The following NKAIN2 variants were observed in gnomAD, a reference collection of about 807,000 sequenced individuals.
NKAIN2 encodes sodium/potassium-transporting ATPase subunit beta-1-interacting protein 2.
NKAIN2 carries 14 observed loss-of-function variants against 32.6 expected under a neutral mutation model. That is an observed-to-expected ratio of 0.43 (90% CI 0.28 to 0.67). The LOEUF is 0.67. Among genes scored for constraint, NKAIN2 ranks in the 30% least tolerant of loss-of-function variants. NKAIN2 has a pLI of 0.17. For missense variants in NKAIN2, 198 were observed against 258.3 expected (o/e 0.77, Z 1.60); for synonymous variants, 80 against 87.2 (o/e 0.92, Z 0.46).
chr6:124,042,601 AATACAG>A (rs1781918834), intron 1 of NKAIN2, among the ~76,000 whole-genome samples: 1 of 152,062 alleles, frequency 6.6e-6, no homozygotes, highest in Non-Finnish European at 1.5e-5. Context: ...TTGTGGTGCA[AATACAG>A]ACCTTAAACT....
At chr6:124,772,730 G>A (rs759408068) in intron 4 of NKAIN2, among the ~76,000 whole-genome samples, 1 of 152,158 alleles carries the variant, frequency 6.6e-6, no homozygotes, top group Non-Finnish European at 1.5e-5. Context: ...AAAGGAAGAA[G>A]CAAAGAGGGC....
intron 2 of NKAIN2, among the ~76,000 whole-genome samples, chr6:124,296,102 A>G (rs187919200): frequency 1.3e-5 from 2 of 152,104 alleles, no homozygotes; most frequent in Admixed American, 6.6e-5. Context: ...TTCCTCCACA[A>G]TTGCATTCTC....
intron 3 of NKAIN2, among the ~76,000 whole-genome samples, chr6:124,415,803 A>G (rs1188003373): frequency 6.6e-6 from 1 of 150,626 alleles, no homozygotes; most frequent in African/African-American, 2.4e-5. Flanking sequence ...GGTCAAACCA[A>G]CTATGTATTT....
At chr6:124,806,005 A>G (rs1356959087) in intron 5 of NKAIN2, among the ~76,000 whole-genome samples, 8 of 152,206 alleles carry the variant, frequency 5.3e-5, no homozygotes, top group Non-Finnish European at 1.2e-4. Flanking sequence ...GACTAAATCT[A>G]CGTCTGATTG....
intron 3 of NKAIN2, among the ~76,000 whole-genome samples, chr6:124,512,220 C>T (rs532894772): frequency 6.6e-6 from 1 of 152,232 alleles, no homozygotes; most frequent in East Asian, 1.9e-4. Flanking sequence ...GTACATGTTG[C>T]AGCTACACAG....
At chr6:124,771,382 C>T (rs943423959) in intron 4 of NKAIN2, among the ~76,000 whole-genome samples, 1 of 152,058 alleles carries the variant, frequency 6.6e-6, no homozygotes, top group Non-Finnish European at 1.5e-5. Flanking sequence ...ATAATTGAAC[C>T]AACAGGTGTG....
At chr6:124,233,265 A>G (rs1792556492) in intron 1 of NKAIN2, among the ~76,000 whole-genome samples, 1 of 152,080 alleles carries the variant, frequency 6.6e-6, no homozygotes, top group East Asian at 1.9e-4. Context: ...TGTGAATTTT[A>G]CTTCTTGATA....
At chr6:124,735,309 C>G (rs1232432505) in intron 4 of NKAIN2, among the ~76,000 whole-genome samples, 1 of 151,688 alleles carries the variant, frequency 6.6e-6, no homozygotes, top group Non-Finnish European at 1.5e-5. Flanking sequence ...TTCTCTCTAC[C>G]CCAGTATTTT....
In NKAIN2 at chr6:124,442,361, GC is replaced by G. The variant is rs1020074358; in HGVS notation, c.273+87017del. Among the ~76,000 whole-genome samples the G allele has an allele frequency of 1.0e-4, 3 of 28,936 alleles. No homozygotes were observed. The African/African-American group carries it at 1.4e-3, about 13-fold the overall frequency. The allele number at this position is 28,936 out of a possible 152,430, so 19.0% of individuals were successfully genotyped here. On this transcript the variant is annotated intron_variant, in intron 3 of 6. Coordinates refer to ENST00000368417, the MANE Select transcript of NKAIN2 (RefSeq NM_001040214.3). ...TCAGCAGAGCTGTAAAGTCATCAATGCCCTTTTTTCTTTTTCTTATGTCCAT... is the reference window on the plus strand; with the variant it reads ...TCAGCAGAGCTGTAAAGTCATCAATGCCTTTTTTCTTTTTCTTATGTCCAT...
rs145438534 is a variant in NKAIN2, at chr6:124,760,007, G to A, written c.475-31332G>A. Among the ~76,000 whole-genome samples, 223 of 152,036 alleles carry A rather than the reference G, an allele frequency of 1.5e-3. 3 individuals carry two copies. The highest frequency in any genetic ancestry group is 5.2e-3 in the African/African-American group (214 of 41,468). On this transcript the variant is annotated intron_variant, in intron 4 of 6. Transcript: ENST00000368417. ...ATCCCAGGAGAAGTGAATGGAACAG[G>A]GAACACCTAGTTGACTGTGTAACAG...
intron 1 of NKAIN2, among the ~76,000 whole-genome samples, chr6:123,928,766 C>T (rs1776121303): frequency 6.6e-6 from 1 of 152,140 alleles, no homozygotes; most frequent in Non-Finnish European, 1.5e-5. Flanking sequence ...ATATATCAGA[C>T]ATAAATGCAT....
At chr6:124,785,478 A>AT (rs750412956) in intron 4 of NKAIN2, among the ~76,000 whole-genome samples, 4 of 152,196 alleles carry the variant, frequency 2.6e-5, no homozygotes, top group Admixed American at 6.5e-5. Context: ...AAACATGGAC[A>AT]TTTGGGGTAT....
chr6:124,061,319 A>G (rs1340864659), intron 1 of NKAIN2, among the ~76,000 whole-genome samples: 2 of 152,174 alleles, frequency 1.3e-5, no homozygotes, highest in African/African-American at 4.8e-5. Context: ...AACAGTTTAC[A>G]ATGTTATTAT....
chr6:124,167,186 T>A (rs1172637751), intron 1 of NKAIN2, among the ~76,000 whole-genome samples: 1 of 148,804 alleles, frequency 6.7e-6, no homozygotes, highest in East Asian at 2.0e-4. Flanking sequence ...TATCCTCTTT[T>A]ATTTCCTTGA....
At chr6:124,698,441 C>T (rs1774610357) in intron 4 of NKAIN2, among the ~76,000 whole-genome samples, 1 of 152,124 alleles carries the variant, frequency 6.6e-6, no homozygotes, top group Admixed American at 6.6e-5. Flanking sequence ...TTGAAATCAG[C>T]TCCACTTGGA....
At chr6:124,488,762 T>A (rs1014127516) in intron 3 of NKAIN2, among the ~76,000 whole-genome samples, 1 of 152,022 alleles carries the variant, frequency 6.6e-6, no homozygotes, top group African/African-American at 2.4e-5. Context: ...AGCAATATAA[T>A]AAAGCTATCA....
At chr6:124,658,686 G>A in intron 4 of NKAIN2, 2 of 577,672 alleles carry the variant, frequency 3.5e-6, no homozygotes, top group East Asian at 5.9e-5. Context: ...GGATTCTGAA[G>A]GGATGATCAG....
At chr6:124,313,788 G>A (rs1796821109) in intron 2 of NKAIN2, among the ~76,000 whole-genome samples, 1 of 152,046 alleles carries the variant, frequency 6.6e-6, no homozygotes, top group Admixed American at 6.6e-5. Context: ...TCTTTCAATA[G>A]CCTCATGATG....
At chr6:124,456,831 G>T (rs548230335) in intron 3 of NKAIN2, among the ~76,000 whole-genome samples, 1 of 151,778 alleles carries the variant, frequency 6.6e-6, no homozygotes, top group South Asian at 2.1e-4. Flanking sequence ...ATTATATTAA[G>T]AAATGCCCTC....
Sources: allele counts gnomAD v4.1 joint callset (sites outside exome capture counted in the v4.1 genomes callset), GRCh38; gene constraint gnomAD v4.1.1; transcripts MANE v1.5; gene names NCBI Gene and HGNC (gene_info 2026-07-23, HGNC 2026-07-21).